Variants in SCAMP1 observed in about 807,000 individuals in gnomAD.
SCAMP1 encodes the protein secretory carrier-associated membrane protein 1.
A neutral mutation model predicts 41.8 loss-of-function variants in SCAMP1; 15 were observed. That is an observed-to-expected ratio of 0.36 (90% CI 0.24 to 0.55). SCAMP1 has a LOEUF of 0.55. Ranked by LOEUF, SCAMP1 falls within the 20% of genes least tolerant of loss-of-function variation. SCAMP1 has a pLI of 0.86. For missense variants in SCAMP1, 341 were observed against 412.6 expected, an observed-to-expected ratio of 0.83 and a Z score of 1.50; for synonymous variants, 135 against 136.8, an observed-to-expected ratio of 0.99 and a Z score of 0.09.
At position 78,363,219 on chromosome 5, in the gene SCAMP1, C is replaced by CT. The variant is rs202225865; in HGVS notation, c.57+2502dup. ...ATCGTTTTTCTTTCTTTCTTTCTTT[C>CT]TTTTTTTTTTTGAGACGGAGTCTCC... On this transcript the variant is annotated intron_variant, in intron 1 of 8. Transcript: ENST00000621999. Among the ~76,000 whole-genome samples the CT allele has an allele frequency of 2.1e-3, 293 of 137,652 alleles. 1 individual carries two copies. The highest frequency in any genetic ancestry group is 4.0e-3 in the African/African-American group (148 of 37,256). The allele number at this position is 137,652 out of a possible 152,430, so 90.3% of individuals were successfully genotyped here.
intron 1 of SCAMP1, among the ~76,000 whole-genome samples, chr5:78,380,517 T>C (rs1382258571): frequency 6.6e-6 from 1 of 152,192 alleles, no homozygotes; most frequent in Non-Finnish European, 1.5e-5. Flanking sequence ...ATCAGTGTAG[T>C]CTTAATGAGT....
intron 2 of SCAMP1, among the ~76,000 whole-genome samples, chr5:78,389,474 C>T (rs1751433139): frequency 6.6e-6 from 1 of 152,022 alleles, no homozygotes; most frequent in South Asian, 2.1e-4. Flanking sequence ...CTTCTATGTT[C>T]CCCAGGCTGG....
At chr5:78,409,148 A>G (rs953714816) in intron 2 of SCAMP1, among the ~76,000 whole-genome samples, 1 of 152,146 alleles carries the variant, frequency 6.6e-6, no homozygotes, top group African/African-American at 2.4e-5. Flanking sequence ...ACTAGTGCAG[A>G]TGGATCACTA....
At position 78,422,316 on chromosome 5, in the gene SCAMP1, T is replaced by C. The variant is rs1049856594; in HGVS notation, c.632+356T>C. On this transcript the variant is annotated intron_variant, in intron 6 of 8. Transcript: ENST00000621999. ...AAATCAAAATCCCAATTGGTGCTTA[T>C]GGTTTTTTTTTTTTTAAATTAACCT... Among the ~76,000 whole-genome samples, 162 of 64,868 alleles carry C rather than the reference T, an allele frequency of 2.5e-3. 1 individual carries two copies. Among genetic ancestry groups the C allele is most frequent in the African/African-American group, 0.011 (157 of 14,096 alleles). The allele number at this position is 64,868 out of a possible 152,430, so 42.6% of individuals were successfully genotyped here. A position where few individuals can be genotyped will look rare whatever the true frequency, so the allele number is the denominator to read the frequency against.
chr5:78,391,449 G>T (rs4608905), intron 2 of SCAMP1, among the ~76,000 whole-genome samples: 1 of 151,430 alleles, frequency 6.6e-6, no homozygotes, highest in Admixed American at 6.6e-5. Context: ...CGGCTGGCCT[G>T]GCGGGGGCTG....
At chr5:78,440,490 C>A (rs1338866341) in intron 6 of SCAMP1, among the ~76,000 whole-genome samples, 1 of 152,176 alleles carries the variant, frequency 6.6e-6, no homozygotes, top group Non-Finnish European at 1.5e-5. Flanking sequence ...AGACTGTTTG[C>A]CTTGGTATCA....
At chr5:78,432,472 T>C (rs1752648464) in intron 6 of SCAMP1, among the ~76,000 whole-genome samples, 1 of 152,148 alleles carries the variant, frequency 6.6e-6, no homozygotes, top group Non-Finnish European at 1.5e-5. Flanking sequence ...AAGTATAATA[T>C]GGGTTCACAG....
At chr5:78,465,799 G>A (rs191270822) in intron 8 of SCAMP1, among the ~76,000 whole-genome samples, 3 of 152,298 alleles carry the variant, frequency 2.0e-5, no homozygotes, top group East Asian at 3.9e-4. Context: ...AGGGCAGGCC[G>A]GAACTCTCAG....
At position 78,410,076 on chromosome 5, in the gene SCAMP1, G is replaced by T. The variant is rs754445466; in HGVS notation, c.136-5444G>T. 2.7e-5 allele frequency among the ~76,000 whole-genome samples: 4 copies of T among 150,902 alleles called. No individual in the cohort carries two copies. The East Asian group carries it at 7.8e-4, about 29-fold the overall frequency. ...GCCATGTGAACTTGGGACAATATAT[G>T]TGAGAATTATATCTCACTTAAGGTG... is the stretch of plus-strand genomic sequence containing the variant. On this transcript the variant is annotated intron_variant, in intron 2 of 8. Coordinates refer to ENST00000621999, the MANE Select transcript of SCAMP1 (RefSeq NM_004866.6).
At chr5:78,474,299 C>G (rs1753953014) in intron 8 of SCAMP1, among the ~76,000 whole-genome samples, 1 of 152,164 alleles carries the variant, frequency 6.6e-6, no homozygotes, top group Admixed American at 6.5e-5. Context: ...CACAAACATT[C>G]AGTCCATAAC....
At chr5:78,448,409 G>T (rs1257386666) in intron 6 of SCAMP1, among the ~76,000 whole-genome samples, 1 of 151,536 alleles carries the variant, frequency 6.6e-6, no homozygotes, top group Non-Finnish European at 1.5e-5. Flanking sequence ...ATCTGAAAGA[G>T]GACTTGTATT....
chr5:78,473,197 TGACC>T (rs1432391686), intron 8 of SCAMP1, among the ~76,000 whole-genome samples: 2 of 152,210 alleles, frequency 1.3e-5, no homozygotes, highest in Admixed American at 1.3e-4. Flanking sequence ...TTTTTCTTCC[TGACC>T]ATTTGACACT....
chr5:78,440,134 G>A (rs545170214), intron 6 of SCAMP1, among the ~76,000 whole-genome samples: 1 of 152,150 alleles, frequency 6.6e-6, no homozygotes, highest in East Asian at 1.9e-4. Context: ...TTTTAGCTTC[G>A]TGATGGGTTT....
chr5:78,389,526 C>G (rs1751434338), intron 2 of SCAMP1, among the ~76,000 whole-genome samples: 1 of 152,148 alleles, frequency 6.6e-6, no homozygotes, highest in Non-Finnish European at 1.5e-5. Flanking sequence ...ACCTCAGCCT[C>G]CCAAAGTGCT....
At chr5:78,371,868 A>C (rs930616158) in intron 1 of SCAMP1, among the ~76,000 whole-genome samples, 1 of 152,250 alleles carries the variant, frequency 6.6e-6, no homozygotes, top group Admixed American at 6.5e-5. Context: ...CTTAAAGCAA[A>C]GGATATGCGT....
chr5:78,444,703 T>C (rs1753012313), intron 6 of SCAMP1, among the ~76,000 whole-genome samples: 1 of 152,206 alleles, frequency 6.6e-6, no homozygotes, highest in African/African-American at 2.4e-5. Flanking sequence ...AATAGCCTAA[T>C]GCCACTTCTG....
chr5:78,459,182 T>C (rs897679813), intron 7 of SCAMP1, 63 bp from the exon 8 acceptor site: 1 of 766,634 alleles, frequency 1.3e-6, no homozygotes, highest in African/African-American at 1.7e-5. Context: ...GTGTTAGATA[T>C]TATGCTATTT....
intron 6 of SCAMP1, among the ~76,000 whole-genome samples, chr5:78,439,142 C>A (rs111574372): frequency 1.3e-5 from 2 of 152,138 alleles, no homozygotes; most frequent in African/African-American, 4.8e-5. Context: ...GAATACAGCA[C>A]CCTGATGGGT....
At chr5:78,399,487 T>C (rs1410607903) in intron 2 of SCAMP1, among the ~76,000 whole-genome samples, 2 of 152,238 alleles carry the variant, frequency 1.3e-5, no homozygotes, top group African/African-American at 2.4e-5. Flanking sequence ...TTTGGTGTTA[T>C]CAGTGTTTTG....
Sources: gnomAD v4.1 joint callset for allele counts (sites outside exome capture counted in the v4.1 genomes callset) on GRCh38, gnomAD v4.1.1 for gene constraint, MANE v1.5 for transcripts, NCBI Gene and HGNC (gene_info 2026-07-23, HGNC 2026-07-21) for gene names.